MYPN: variants seen among roughly 807,000 people sequenced by gnomAD.
MYPN encodes the protein sarcomeric protein myopalladin, 145 kDa (MYOP).
MYPN carries 63 observed loss-of-function variants against 129.4 expected under a neutral mutation model. The ratio of observed to expected loss-of-function variants is 0.49; its 90% CI spans 0.40 to 0.60. MYPN has a LOEUF of 0.60. MYPN is among the 20% of genes least tolerant of loss of function. The pLI is 0.00. For missense variants in MYPN, 1,596 were observed against 1,635.4 expected (o/e 0.98, Z 0.42); for synonymous variants, 629 against 600.9 (o/e 1.05, Z -0.68).
chr10:68,205,516 CAAAAA>C (rs35907393), intron 18 of MYPN, among the ~76,000 whole-genome samples: 1 of 134,634 alleles, frequency 7.4e-6, no homozygotes, highest in Non-Finnish European at 1.6e-5. Flanking sequence ...CTATTTCTAC[CAAAAA>C]AAAAAAAAAA....
Position 68,123,807 on chromosome 10 carries a change from T to C in MYPN, c.902+1467T>C, listed in dbSNP as rs1477211284. Reference sequence around the variant, plus strand: ...CTGCATGTGTCTAATGACTACAGTATTGGACAGCGCAGGGCTACAATTTAT... The same window carrying C: ...CTGCATGTGTCTAATGACTACAGTACTGGACAGCGCAGGGCTACAATTTAT... On this transcript the variant is annotated intron_variant, in intron 2 of 19. Transcript: ENST00000358913. 3.3e-5 allele frequency among the ~76,000 whole-genome samples: 5 copies of C among 152,182 alleles called. No individual in the cohort carries two copies. The East Asian group carries it at 9.6e-4, about 29-fold the overall frequency.
At chr10:68,173,988 C>A in intron 10 of MYPN, 78 bp from the exon 11 acceptor site, 2 of 1,189,228 alleles carry the variant, frequency 1.7e-6, no homozygotes, top group Non-Finnish European at 1.3e-6. Context: ...TATAAACAGT[C>A]TGTCTGAACA....
At chr10:68,130,825 A>G (rs1000312149) in intron 2 of MYPN, among the ~76,000 whole-genome samples, 4 of 152,160 alleles carry the variant, frequency 2.6e-5, no homozygotes, top group Admixed American at 1.3e-4. Flanking sequence ...AAAGCCGGGA[A>G]CCCATTTTCA....
rs1554842258 is a variant in MYPN, at chr10:68,145,506, T to C, written c.1110T>C (p.Pro370=). ...GVSSSDSEGD[P]NKEEMNRIQK... Reference sequence around the variant, plus strand: ...CTTCTTCTGACTCAGAAGGCGACCCTAACAAGGAAGAGATGAATCGGTAAT... The same window carrying C: ...CTTCTTCTGACTCAGAAGGCGACCCCAACAAGGAAGAGATGAATCGGTAAT... Residue 370 remains proline, a synonymous_variant, in exon 4 of 20, where the codon CCT becomes CCC. Coordinates refer to ENST00000358913, the MANE Select transcript of MYPN (RefSeq NM_032578.4). 6.2e-7 allele frequency: 1 copy of C among 1,613,410 alleles called. No individual in the cohort carries two copies. The highest frequency in any genetic ancestry group is 1.7e-5 in the Admixed American group (1 of 60,018).
intron 2 of MYPN, among the ~76,000 whole-genome samples, chr10:68,137,636 GA>G (rs2042507841): frequency 6.6e-6 from 1 of 151,994 alleles, no homozygotes; most frequent in Admixed American, 6.6e-5. Flanking sequence ...TATCATCACT[GA>G]TTTCATTAAA....
intron 6 of MYPN, among the ~76,000 whole-genome samples, chr10:68,154,761 T>C (rs1380161792): frequency 2.0e-5 from 3 of 152,346 alleles, no homozygotes; most frequent in East Asian, 1.9e-4. Flanking sequence ...TTCTCAAGGA[T>C]GTCCCAGCAT....
At chr10:68,144,703 C>T (rs1469694397) in intron 3 of MYPN, among the ~76,000 whole-genome samples, 1 of 151,966 alleles carries the variant, frequency 6.6e-6, no homozygotes, top group Admixed American at 6.6e-5. Context: ...TGAAGTATGA[C>T]TTGTTAATAT....
At chr10:68,142,329 G>A (rs1264011324) in intron 2 of MYPN, among the ~76,000 whole-genome samples, 1 of 152,000 alleles carries the variant, frequency 6.6e-6, no homozygotes, top group Non-Finnish European at 1.5e-5. Flanking sequence ...AGAAAACTAG[G>A]CTGTAATAAA....
rs773192451 is a variant in MYPN at position 68,161,767 on chromosome 10, A to C, written c.1483+15A>C. 16 of 1,597,518 alleles carry C rather than the reference A, an allele frequency of 1.0e-5. No homozygotes were observed. In the South Asian group the frequency reaches 1.8e-4, roughly 18 times the overall value. On this transcript the variant is annotated intron_variant, in intron 8 of 19. Transcript: ENST00000358913. Reference sequence around the variant, plus strand: ...GGCAGAGCCAGGTAAAGATGATTTCAACTTTAATTTATTAGTATATGAGTG... The same window carrying C: ...GGCAGAGCCAGGTAAAGATGATTTCCACTTTAATTTATTAGTATATGAGTG...
At chr10:68,158,212 C>T (rs893291490) in intron 6 of MYPN, 18 of 409,658 alleles carry the variant, frequency 4.4e-5, no homozygotes, top group East Asian at 1.9e-4. Flanking sequence ...TGAAGCTGTG[C>T]GCTCAGTGGA....
chr10:68,106,937 T>C (rs2042019074), upstream of MYPN: 2 of 631,826 alleles, frequency 3.2e-6, no homozygotes, highest in African/African-American at 3.7e-5. Context: ...TTAAGACATG[T>C]AACCAACCTT....
chr10:68,151,551 T>G (rs904801786), intron 6 of MYPN, among the ~76,000 whole-genome samples: 2 of 152,196 alleles, frequency 1.3e-5, no homozygotes, highest in African/African-American at 4.8e-5. Flanking sequence ...CTACTTCTTA[T>G]TGTCTCTTAT....
At chr10:68,133,868 T>C (rs1034263493) in intron 2 of MYPN, among the ~76,000 whole-genome samples, 1 of 150,894 alleles carries the variant, frequency 6.6e-6, no homozygotes. Flanking sequence ...TGGTACACAG[T>C]ACATGCCTAC....
chr10:68,134,576 C>T (rs1375377759), intron 2 of MYPN, among the ~76,000 whole-genome samples: 1 of 152,076 alleles, frequency 6.6e-6, no homozygotes, highest in Non-Finnish European at 1.5e-5. Context: ...GCGGGTGGAT[C>T]ACGAAGTCAA....
chr10:68,138,860 AG>A, intron 2 of MYPN, among the ~76,000 whole-genome samples: 1 of 152,322 alleles, frequency 6.6e-6, no homozygotes, highest in East Asian at 1.9e-4. Context: ...CAAGCCTGGT[AG>A]GGTAAAGTGA....
intron 1 of MYPN, among the ~76,000 whole-genome samples, chr10:68,100,152 C>T (rs2041975415): frequency 6.6e-6 from 1 of 152,116 alleles, no homozygotes; most frequent in Non-Finnish European, 1.5e-5. Flanking sequence ...TCAGTTTCAT[C>T]CTTCACTAAA....
chr10:68,198,859 T>TG (rs2043656650), intron 16 of MYPN, among the ~76,000 whole-genome samples: 1 of 110,864 alleles, frequency 9.0e-6, no homozygotes, highest in South Asian at 3.2e-4. Context: ...CATGCCCTGT[T>TG]GGGGGGATGG....
chr10:68,137,861 T>C (rs1019149780), intron 2 of MYPN, among the ~76,000 whole-genome samples: 1 of 152,202 alleles, frequency 6.6e-6, no homozygotes, highest in South Asian at 2.1e-4. Flanking sequence ...CATTTGTTCT[T>C]TCAAGTTGAA....
At chr10:68,118,637 C>T (rs761672331) in intron 1 of MYPN, among the ~76,000 whole-genome samples, 2 of 152,038 alleles carry the variant, frequency 1.3e-5, no homozygotes, top group Non-Finnish European at 2.9e-5. Context: ...AGTTGGAGAC[C>T]AGCCTGGGCA....
Sources: allele counts gnomAD v4.1 joint callset (sites outside exome capture counted in the v4.1 genomes callset), GRCh38; gene constraint gnomAD v4.1.1; transcripts MANE v1.5; gene names NCBI Gene and HGNC (gene_info 2026-07-23, HGNC 2026-07-21).